The following KCNIP4 variants were observed in gnomAD, a reference collection of about 807,000 sequenced individuals.
KCNIP4 encodes potassium voltage-gated channel interacting protein 4.
A neutral mutation model predicts 34.0 loss-of-function variants in KCNIP4; 12 were observed. That is an observed-to-expected ratio of 0.35 (90% CI 0.23 to 0.57). The LOEUF is 0.57. KCNIP4 is among the 20% of genes least tolerant of loss of function. The pLI is 0.83. For synonymous variants in KCNIP4, 124 were observed against 102.2 expected (o/e 1.21, Z -1.29); for missense variants, 238 against 311.7 (o/e 0.76, Z 1.78).
chr4:21,105,779 T>A (rs1204159464), intron 1 of KCNIP4, among the ~76,000 whole-genome samples: 1 of 151,588 alleles, frequency 6.6e-6, no homozygotes, highest in Non-Finnish European at 1.5e-5. Context: ...CATCAATACC[T>A]AATTTATTGA....
At chr4:20,829,794 T>A (rs574651554) in intron 3 of KCNIP4, among the ~76,000 whole-genome samples, 1 of 152,252 alleles carries the variant, frequency 6.6e-6, no homozygotes, top group East Asian at 1.9e-4. Context: ...TAAACATCAA[T>A]GTGACCATAT....
At chr4:20,732,250 C>T (rs1451069789) in intron 7 of KCNIP4, among the ~76,000 whole-genome samples, 182 bp from the exon 8 acceptor site, 1 of 152,206 alleles carries the variant, frequency 6.6e-6, no homozygotes, top group African/African-American at 2.4e-5. Flanking sequence ...CCAAATGCTT[C>T]TGGCTTTTCC....
chr4:20,972,867 T>C (rs561386189), intron 1 of KCNIP4, among the ~76,000 whole-genome samples: 1 of 152,290 alleles, frequency 6.6e-6, no homozygotes, highest in East Asian at 1.9e-4. Context: ...GTGATGGAAA[T>C]AGCAAGATAA....
intron 1 of KCNIP4, among the ~76,000 whole-genome samples, chr4:20,908,421 G>A (rs907970444): frequency 2.6e-5 from 4 of 152,144 alleles, no homozygotes; most frequent in African/African-American, 9.7e-5. Context: ...AAGTCTAATA[G>A]CTTAAATACT....
chr4:21,286,811 C>T (rs1347600484), intron 1 of KCNIP4, among the ~76,000 whole-genome samples: 1 of 152,124 alleles, frequency 6.6e-6, no homozygotes, highest in East Asian at 1.9e-4. Flanking sequence ...AGCATGTAAA[C>T]CAAGGGACAG....
At chr4:21,233,074 C>G (rs528044316) in intron 1 of KCNIP4, among the ~76,000 whole-genome samples, 1 of 152,226 alleles carries the variant, frequency 6.6e-6, no homozygotes, top group East Asian at 1.9e-4. Context: ...AAACAGGAAG[C>G]AGGAAAACGG....
intron 1 of KCNIP4, among the ~76,000 whole-genome samples, chr4:21,236,215 C>A (rs1294831439): frequency 6.6e-6 from 1 of 152,010 alleles, no homozygotes; most frequent in Admixed American, 6.6e-5. Context: ...TATCCCTACT[C>A]CCTAAACTTT....
At chr4:21,108,219 C>T (rs990489385) in intron 1 of KCNIP4, among the ~76,000 whole-genome samples, 1 of 149,830 alleles carries the variant, frequency 6.7e-6, no homozygotes, top group African/African-American at 2.5e-5. Flanking sequence ...TCCATTCTCC[C>T]CGTCACTTTC....
At chr4:20,977,152 C>G (rs1444604129) in intron 1 of KCNIP4, among the ~76,000 whole-genome samples, 1 of 152,100 alleles carries the variant, frequency 6.6e-6, no homozygotes, top group Non-Finnish European at 1.5e-5. Context: ...CTTTAAACCA[C>G]AAAATAATCA....
chr4:20,814,974 A>C (rs1716200278), intron 3 of KCNIP4, among the ~76,000 whole-genome samples: 1 of 151,954 alleles, frequency 6.6e-6, no homozygotes, highest in Non-Finnish European at 1.5e-5. Flanking sequence ...TATTCATCTA[A>C]TAATTTATCT....
chr4:21,424,208 G>C (rs1725744173), intron 1 of KCNIP4, among the ~76,000 whole-genome samples: 1 of 152,034 alleles, frequency 6.6e-6, no homozygotes, highest in South Asian at 2.1e-4. Flanking sequence ...TTTACCTTTT[G>C]TACTAGAAAA....
intron 1 of KCNIP4, among the ~76,000 whole-genome samples, chr4:21,140,456 AC>A (rs1188365167): frequency 1.3e-5 from 2 of 152,150 alleles, no homozygotes; most frequent in Admixed American, 6.5e-5. Flanking sequence ...TAACTAATTA[AC>A]TAATGCATCT....
At chr4:20,867,857 A>T (rs987028211) in intron 2 of KCNIP4, among the ~76,000 whole-genome samples, 9 of 152,044 alleles carry the variant, frequency 5.9e-5, no homozygotes, top group African/African-American at 1.9e-4. Context: ...AGGAACAAGA[A>T]CATCACACAC....
chr4:21,012,773 T>C (rs376404773), intron 1 of KCNIP4, among the ~76,000 whole-genome samples: 11 of 152,238 alleles, frequency 7.2e-5, no homozygotes, highest in African/African-American at 2.6e-4. Context: ...ACCTTACAAA[T>C]TGAAAATCTA....
rs190655216 is a variant in KCNIP4 at position 21,509,352 on chromosome 4, C to T, written c.61+439219G>A. On this transcript the variant is annotated intron_variant, in intron 1 of 8. Coordinates refer to ENST00000382152, the MANE Select transcript of KCNIP4 (RefSeq NM_025221.6). ...GAACCTTAGAAAGATTAAGTTACTCCTCACTGTCATACATCCATTATAATA... is the reference window on the plus strand; with the variant it reads ...GAACCTTAGAAAGATTAAGTTACTCTTCACTGTCATACATCCATTATAATA... Among the ~76,000 whole-genome samples the T allele has an allele frequency of 2.4e-3, 362 of 152,244 alleles. 2 individuals carry two copies. The highest frequency in any genetic ancestry group is 8.4e-3 in the African/African-American group (347 of 41,550).
intron 1 of KCNIP4, among the ~76,000 whole-genome samples, chr4:21,520,210 C>T (rs929674092): frequency 1.3e-5 from 2 of 152,090 alleles, no homozygotes; most frequent in African/African-American, 2.4e-5. Flanking sequence ...CCTTTGGCAA[C>T]ACCCTCACAC....
intron 3 of KCNIP4, among the ~76,000 whole-genome samples, chr4:20,770,362 C>T (rs1443349437): frequency 6.6e-6 from 1 of 152,002 alleles, no homozygotes; most frequent in Non-Finnish European, 1.5e-5. Context: ...GCTGAGTGTT[C>T]CCCGTCTAGA....
chr4:21,728,098 G>A (rs1715325122), intron 1 of KCNIP4, among the ~76,000 whole-genome samples: 2 of 151,958 alleles, frequency 1.3e-5, no homozygotes, highest in African/African-American at 4.8e-5. Flanking sequence ...CTGCTTTCCA[G>A]GTAATTCCAT....
intron 1 of KCNIP4, among the ~76,000 whole-genome samples, chr4:21,245,193 T>C (rs1450788565): frequency 1.3e-5 from 2 of 152,198 alleles, no homozygotes; most frequent in African/African-American, 4.8e-5. Flanking sequence ...TAACTTGCTG[T>C]GAGGTTAAAA....
Sources: allele counts gnomAD v4.1 joint callset (sites outside exome capture counted in the v4.1 genomes callset), GRCh38; gene constraint gnomAD v4.1.1; transcripts MANE v1.5; gene names NCBI Gene and HGNC (gene_info 2026-07-23, HGNC 2026-07-21).